MRTFB: variants seen among roughly 807,000 people sequenced by gnomAD.
MRTFB encodes the protein myocardin-related transcription factor B.
A neutral mutation model predicts 104.2 loss-of-function variants in MRTFB; 29 were observed. The observed-to-expected ratio is 0.28, with a 90% CI of 0.21 to 0.38. MRTFB has a LOEUF of 0.38. Among genes scored for constraint, MRTFB ranks in the 10% least tolerant of loss-of-function variants. The pLI, the probability that MRTFB is intolerant of heterozygous loss-of-function variation, is 1.00. For synonymous variants in MRTFB, 535 were observed against 519.5 expected (o/e 1.03, Z -0.41); for missense variants, 1,270 against 1,341.6 (o/e 0.95, Z 0.83).
At chr16:14,138,787 C>T (rs1233082094) in intron 2 of MRTFB, among the ~76,000 whole-genome samples, 4 of 152,076 alleles carry the variant, frequency 2.6e-5, no homozygotes, top group Non-Finnish European at 5.9e-5. Context: ...TATGCATACT[C>T]AGTTGAATTT....
chr16:14,015,160 T>C, the MRTFB span, among the ~76,000 whole-genome samples: 8 of 152,304 alleles, frequency 5.3e-5, no homozygotes, highest in Admixed American at 5.2e-4. Flanking sequence ...TGTATTGCTT[T>C]AAAGGGAAAC....
At chr16:14,036,215 AAT>A in the MRTFB span, among the ~76,000 whole-genome samples, 1 of 126,850 alleles carries the variant, frequency 7.9e-6, no homozygotes, top group Non-Finnish European at 1.6e-5. Flanking sequence ...TATTATATAA[AAT>A]ATATATAATA....
chr16:14,020,776 G>T, the MRTFB span, among the ~76,000 whole-genome samples: 2 of 152,192 alleles, frequency 1.3e-5, no homozygotes, highest in African/African-American at 4.8e-5. Flanking sequence ...TCAAGGCCTT[G>T]CCTCTTCTGT....
rs1025845698 is a variant in MRTFB, at chr16:14,266,597, A to G, written c.*5153A>G. The G allele has an allele frequency of 6.6e-6, 1 of 152,218 alleles. No individual in the cohort carries two copies. Among genetic ancestry groups the G allele is most frequent in the African/African-American group, 2.4e-5 (1 of 41,446 alleles). 9.4% of individuals were successfully genotyped at this position (152,218 alleles called of 1,614,324 possible). A position where few individuals can be genotyped will look rare whatever the true frequency, so the allele number is the denominator to read the frequency against. On this transcript the variant is annotated 3_prime_UTR_variant, in exon 17 of 17. Coordinates refer to ENST00000571589, the MANE Select transcript of MRTFB (RefSeq NM_001308142.2). ...GAAATCAATTCCATATCATGTTTGA[A>G]TGCCATACATTTTGCACATGTACTG...
the MRTFB span, among the ~76,000 whole-genome samples, chr16:14,010,370 G>A: frequency 7.9e-5 from 12 of 152,136 alleles, no homozygotes; most frequent in Non-Finnish European, 1.5e-4. Context: ...AGGCTGGGGT[G>A]CAATGGCAGG....
chr16:14,140,918 A>C, intron 3 of MRTFB, 158 bp downstream of exon 3: 2 of 633,604 alleles, frequency 3.2e-6, no homozygotes, highest in Non-Finnish European at 5.2e-6. Context: ...TAACAGGCAG[A>C]ATTTCACTTT....
intron 2 of MRTFB, among the ~76,000 whole-genome samples, chr16:14,102,412 G>A (rs566142141): frequency 6.6e-6 from 1 of 152,158 alleles, no homozygotes; most frequent in East Asian, 1.9e-4. Flanking sequence ...TCCAGTTGGG[G>A]GTGAAATGAC....
At chr16:14,158,134 A>G (rs1477955570) in intron 3 of MRTFB, among the ~76,000 whole-genome samples, 1 of 152,200 alleles carries the variant, frequency 6.6e-6, no homozygotes, top group African/African-American at 2.4e-5. Context: ...CTTAGTTACC[A>G]TGTGTCTTCT....
At chr16:14,068,875 T>A (rs1005218309), upstream of MRTFB, among the ~76,000 whole-genome samples, 1 of 151,174 alleles carries the variant, frequency 6.6e-6, no homozygotes, top group African/African-American at 2.4e-5. Context: ...GATAGAACAG[T>A]AGAAGAAAGA....
At chr16:13,997,523 G>T in the MRTFB span, among the ~76,000 whole-genome samples, 1 of 152,142 alleles carries the variant, frequency 6.6e-6, no homozygotes, top group African/African-American at 2.4e-5. Flanking sequence ...AGCTAGGCGT[G>T]GCGGCTCATG....
At chr16:14,066,285 A>T in the MRTFB span, among the ~76,000 whole-genome samples, 16 of 150,108 alleles carry the variant, frequency 1.1e-4, no homozygotes, top group African/African-American at 2.7e-4. Flanking sequence ...TATTATTATT[A>T]TTTTTTGAGA....
the MRTFB span, among the ~76,000 whole-genome samples, chr16:14,041,096 G>A: frequency 6.6e-6 from 1 of 151,934 alleles, no homozygotes; most frequent in South Asian, 2.1e-4. Flanking sequence ...TGACACTGCT[G>A]CACTCCTGCC....
chr16:14,236,830 G>A (rs1021471541), intron 9 of MRTFB, among the ~76,000 whole-genome samples: 9 of 152,174 alleles, frequency 5.9e-5, no homozygotes, highest in Non-Finnish European at 1.0e-4. Context: ...ACAGTAGGGC[G>A]CAAAGGTAGA....
chr16:14,133,086 A>G (rs1396939045), intron 2 of MRTFB, among the ~76,000 whole-genome samples: 1 of 152,234 alleles, frequency 6.6e-6, no homozygotes, highest in African/African-American at 2.4e-5. Context: ...TAAAATATAG[A>G]TGCATTCTGT....
At chr16:14,187,180 G>A in intron 3 of MRTFB, 1 of 683,428 alleles carries the variant, frequency 1.5e-6, no homozygotes, top group Non-Finnish European at 2.4e-6. Context: ...TGAAATGAAA[G>A]CTTAATGCTG....
At chr16:14,183,581 T>C (rs1443137373) in intron 3 of MRTFB, among the ~76,000 whole-genome samples, 2 of 152,138 alleles carry the variant, frequency 1.3e-5, no homozygotes. Context: ...ATCATCTTGA[T>C]ATTGATTATT....
At chr16:14,028,224 C>CAAAACAAAACAAAACA in the MRTFB span, among the ~76,000 whole-genome samples, 2 of 151,782 alleles carry the variant, frequency 1.3e-5, no homozygotes, top group Non-Finnish European at 2.9e-5. Context: ...CAAAACAAAA[C>CAAAACAAAACAAAACA]AAACCAAGTA....
chr16:14,133,063 T>C (rs7195762), intron 2 of MRTFB, among the ~76,000 whole-genome samples: 30,104 of 152,166 alleles, frequency 0.2, 5,060 homozygotes, highest in African/African-American at 0.45. Context: ...ACTAAAAATA[T>C]TGGGTTAAAT....
chr16:14,139,263 C>T (rs77129275), intron 2 of MRTFB, among the ~76,000 whole-genome samples: 1 of 152,084 alleles, frequency 6.6e-6, no homozygotes, highest in Non-Finnish European at 1.5e-5. Context: ...AATATTCGCT[C>T]AGATACTTAC....
Sources: allele counts gnomAD v4.1 joint callset (sites outside exome capture counted in the v4.1 genomes callset), GRCh38; gene constraint gnomAD v4.1.1; transcripts MANE v1.5; gene names NCBI Gene and HGNC (gene_info 2026-07-23, HGNC 2026-07-21).